The following SYT9 variants were observed in gnomAD, a reference collection of about 807,000 sequenced individuals.
SYT9 encodes synaptotagmin 9, also known as synaptotagmin-9.
SYT9 carries 22 observed loss-of-function variants against 48.4 expected under a neutral mutation model. That is an observed-to-expected ratio of 0.45 (90% CI 0.32 to 0.65). The LOEUF is 0.65. Among genes scored for constraint, SYT9 ranks in the 30% least tolerant of loss-of-function variants. The pLI is 0.03. For synonymous variants in SYT9, 265 were observed against 245.0 expected (o/e 1.08, Z -0.76); for missense variants, 577 against 622.0 (o/e 0.93, Z 0.77).
chr11:7,432,447 T>G (rs2134120194), intron 6 of SYT9, among the ~76,000 whole-genome samples: 1 of 147,808 alleles, frequency 6.8e-6, no homozygotes, highest in Non-Finnish European at 1.5e-5. Flanking sequence ...CTCGGGAGGC[T>G]GAGGCAGGAG....
chr11:7,449,971 C>T (rs942186296), intron 6 of SYT9, among the ~76,000 whole-genome samples: 1 of 152,132 alleles, frequency 6.6e-6, no homozygotes, highest in African/African-American at 2.4e-5. Context: ...TGCCTTCTCC[C>T]CGATGCCAGT....
intron 1 of SYT9, among the ~76,000 whole-genome samples, chr11:7,278,788 A>G (rs1848443408): frequency 6.6e-6 from 1 of 152,232 alleles, no homozygotes; most frequent in Admixed American, 6.5e-5. Flanking sequence ...AGTGGAGAAG[A>G]AGGGGAGACT....
intron 1 of SYT9, among the ~76,000 whole-genome samples, chr11:7,256,266 A>G (rs1387829247): frequency 6.6e-6 from 1 of 152,184 alleles, no homozygotes; most frequent in East Asian, 1.9e-4. Flanking sequence ...AGTCCTCACA[A>G]GTCTTTTAAG....
At chr11:7,339,097 C>A (rs1049931418) in intron 3 of SYT9, among the ~76,000 whole-genome samples, 1 of 151,972 alleles carries the variant, frequency 6.6e-6, no homozygotes, top group Non-Finnish European at 1.5e-5. Flanking sequence ...TATGTAATGA[C>A]CTTCTTTGGG....
intron 1 of SYT9, among the ~76,000 whole-genome samples, chr11:7,254,118 A>T (rs1847921951): frequency 6.6e-6 from 1 of 152,238 alleles, no homozygotes; most frequent in South Asian, 2.1e-4. Flanking sequence ...CCTGAGAAAG[A>T]GTCACTAAGT....
chr11:7,378,373 G>C (rs374479245), intron 3 of SYT9, among the ~76,000 whole-genome samples: 1 of 152,100 alleles, frequency 6.6e-6, no homozygotes, highest in Non-Finnish European at 1.5e-5. Flanking sequence ...TAAGCTAGGA[G>C]TGAAATAATC....
At chr11:7,336,334 CTT>C (rs1190615306) in intron 3 of SYT9, among the ~76,000 whole-genome samples, 1 of 152,094 alleles carries the variant, frequency 6.6e-6, no homozygotes, top group Non-Finnish European at 1.5e-5. Flanking sequence ...TGCAGAAGCT[CTT>C]AAGTTTATTT....
intron 3 of SYT9, among the ~76,000 whole-genome samples, chr11:7,414,896 C>G (rs1218641831): frequency 6.6e-6 from 1 of 152,164 alleles, no homozygotes; most frequent in African/African-American, 2.4e-5. Flanking sequence ...ATCCCCAGAG[C>G]ATTGTCAGTA....
intron 6 of SYT9, among the ~76,000 whole-genome samples, chr11:7,456,088 T>C (rs1026070512): frequency 2.0e-4 from 31 of 152,354 alleles, no homozygotes; most frequent in African/African-American, 6.7e-4. Context: ...GATTATACAT[T>C]TACCACTTAC....
chr11:7,290,558 G>A (rs1848681587), intron 1 of SYT9, among the ~76,000 whole-genome samples: 1 of 152,136 alleles, frequency 6.6e-6, no homozygotes. Context: ...TATTGTATAT[G>A]TATATATACT....
At position 7,458,626 on chromosome 11, in the gene SYT9, C is replaced by T. The variant is rs181920984; in HGVS notation, c.1468-8166C>T. 1.3e-3 allele frequency among the ~76,000 whole-genome samples: 201 copies of T among 152,192 alleles called. 2 individuals are homozygous for T. Among genetic ancestry groups the T allele is most frequent in the African/African-American group, 4.6e-3 (192 of 41,518 alleles). On this transcript the variant is annotated intron_variant, in intron 6 of 6. Coordinates refer to ENST00000318881, the MANE Select transcript of SYT9 (RefSeq NM_175733.4). ...AACAATTGCAATATTTGAGCAAACA[C>T]TTGAAGGAGGTGAGGGAGCAAGCCC...
At position 7,362,194 on chromosome 11, in the gene SYT9, G is replaced by A. The variant is rs544602154; in HGVS notation, c.1044+48253G>A. ...GAGTCTCCCTCTGTCACCCAGGCTG[G>A]AGTGCGGTGGTGTGATCTCGGCTTA... On this transcript the variant is annotated intron_variant, in intron 3 of 6. Coordinates refer to ENST00000318881, the MANE Select transcript of SYT9 (RefSeq NM_175733.4). Among the ~76,000 whole-genome samples, 242 of 149,622 alleles carry A rather than the reference G, an allele frequency of 1.6e-3. No homozygotes were observed. In the Middle Eastern group the frequency reaches 0.024, roughly 15 times the overall value.
intron 2 of SYT9, 150 bp downstream of exon 2, chr11:7,303,540 C>G (rs1320426131): frequency 1.4e-6 from 1 of 702,910 alleles, no homozygotes; most frequent in African/African-American, 1.8e-5. Context: ...TCCATGCTTC[C>G]TACGCCCTCC....
At chr11:7,336,879 T>C (rs1246318896) in intron 3 of SYT9, among the ~76,000 whole-genome samples, 2 of 152,212 alleles carry the variant, frequency 1.3e-5, no homozygotes, top group African/African-American at 2.4e-5. Context: ...CTGCTAGTTA[T>C]GTAAAGAATG....
intron 3 of SYT9, among the ~76,000 whole-genome samples, chr11:7,348,677 CATCAG>C (rs1361316769): frequency 1.1e-4 from 12 of 106,956 alleles, no homozygotes; most frequent in African/African-American, 3.5e-4. Flanking sequence ...GTATCAGAGC[CATCAG>C]ACCTCCTTTT....
Position 7,252,064 on chromosome 11 carries a change from C to A in SYT9, c.-123C>A, listed in dbSNP as rs1847877368. The A allele has an allele frequency of 4.3e-6, 5 of 1,161,764 alleles. No individual in the cohort carries two copies. Among genetic ancestry groups the A allele is most frequent in the African/African-American group, 1.6e-5 (1 of 61,776 alleles). The allele number at this position is 1,161,764 out of a possible 1,614,324, so 72.0% of individuals were successfully genotyped here. A position where few individuals can be genotyped will look rare whatever the true frequency, so the allele number is the denominator to read the frequency against. ...CTGGGGCTCGGGCTCAGGCTCGCAC[C>A]GTTTCTCGGCAGGTCCCTGGCGGTG... On this transcript the variant is annotated 5_prime_UTR_variant, in exon 1 of 7. Transcript: ENST00000318881. The surrounding 1 kb of genome is among the most constrained non-coding windows in gnomAD (Gnocchi z 6.3).
upstream of SYT9, among the ~76,000 whole-genome samples, chr11:7,247,533 A>G (rs957632381): frequency 4.7e-5 from 7 of 148,512 alleles, no homozygotes; most frequent in Admixed American, 1.4e-4. Flanking sequence ...ACATATATAC[A>G]TATATATACA....
At chr11:7,387,177 A>AG (rs1564885728) in intron 3 of SYT9, among the ~76,000 whole-genome samples, 2 of 152,098 alleles carry the variant, frequency 1.3e-5, no homozygotes, top group African/African-American at 4.8e-5. Context: ...AGAAGCGGGG[A>AG]GGGATAGCAT....
intron 3 of SYT9, among the ~76,000 whole-genome samples, chr11:7,412,373 T>C (rs1259126426): frequency 6.6e-6 from 1 of 152,256 alleles, no homozygotes; most frequent in African/African-American, 2.4e-5. Flanking sequence ...ATGATGTTGG[T>C]TGAGTAGGGC....
Sources: allele counts gnomAD v4.1 joint callset (sites outside exome capture counted in the v4.1 genomes callset), GRCh38; gene constraint gnomAD v4.1.1; non-coding constraint Gnocchi (gnomAD v3.1); transcripts MANE v1.5; gene names NCBI Gene and HGNC (gene_info 2026-07-23, HGNC 2026-07-21).